RAB3GAP1: variants seen among roughly 807,000 people sequenced by gnomAD.
RAB3GAP1 encodes rab3 GTPase-activating protein catalytic subunit.
Under a neutral mutation model 130.7 loss-of-function variants are expected in RAB3GAP1, and 86 were observed. The observed-to-expected ratio is 0.66, with a 90% confidence interval of 0.55 to 0.79. The LOEUF (loss-of-function observed/expected upper bound fraction) is 0.79. Among genes scored for constraint, RAB3GAP1 ranks in the 30% least tolerant of loss-of-function variants. The pLI, the probability that RAB3GAP1 is intolerant of heterozygous loss-of-function variation, is 0.00. For missense variants in RAB3GAP1, 1,029 were observed against 1,169.4 expected (o/e 0.88, Z 1.75); for synonymous variants, 367 against 401.7 (o/e 0.91, Z 1.03).
intron 3 of RAB3GAP1, among the ~76,000 whole-genome samples, chr2:135,085,166 A>G (rs1042909090): frequency 6.6e-6 from 1 of 152,214 alleles, no homozygotes; most frequent in Non-Finnish European, 1.5e-5. Flanking sequence ...AACGTGAGAA[A>G]CTTGGCTATC....
At chr2:135,131,724 G>A (rs1691551801) in intron 13 of RAB3GAP1, among the ~76,000 whole-genome samples, 1 of 152,220 alleles carries the variant, frequency 6.6e-6, no homozygotes, top group Non-Finnish European at 1.5e-5. Context: ...AGTCACTTCA[G>A]TTTCCTCATC....
chr2:135,062,156 C>T (rs1287090715), intron 3 of RAB3GAP1, among the ~76,000 whole-genome samples: 10 of 152,036 alleles, frequency 6.6e-5, no homozygotes, highest in African/African-American at 1.9e-4. Context: ...TCAGCTGATC[C>T]GCCCGCCTCG....
rs781764887 is a variant in RAB3GAP1, at chr2:135,163,106, T to C, written c.2606+5T>C. 4.4e-6 allele frequency: 7 copies of C among 1,601,516 alleles called. No homozygotes were observed. The South Asian group carries it at 7.7e-5, about 18-fold the overall frequency. On this transcript the variant is annotated splice_donor_5th_base_variant and intron_variant, in intron 22 of 23. Transcript: ENST00000264158. ...GGAAAAGGAAGATCTTGAAAGGTAA[T>C]TGCTATTTGGCTAATTCAGTTTTGT...
At chr2:135,152,248 G>C (rs950509319) in intron 18 of RAB3GAP1, among the ~76,000 whole-genome samples, 4 of 152,244 alleles carry the variant, frequency 2.6e-5, no homozygotes, top group Admixed American at 2.6e-4. Flanking sequence ...ACACCTCAGA[G>C]TTCCAGAAGG....
At chr2:135,137,834 T>G (rs1196006996) in intron 17 of RAB3GAP1, among the ~76,000 whole-genome samples, 1 of 148,046 alleles carries the variant, frequency 6.8e-6, no homozygotes, top group Non-Finnish European at 1.5e-5. Flanking sequence ...TTTTTTGTTG[T>G]TTTTTTTTTG....
chr2:135,149,299 A>G (rs991663117), intron 17 of RAB3GAP1, among the ~76,000 whole-genome samples: 3 of 152,242 alleles, frequency 2.0e-5, no homozygotes, highest in Non-Finnish European at 4.4e-5. Flanking sequence ...TTTGAGAAGT[A>G]TACTGACCCT....
At chr2:135,174,273 C>T (rs1190721968), downstream of RAB3GAP1, among the ~76,000 whole-genome samples, 1 of 66 alleles carries the variant, frequency 0.015, no homozygotes, top group African/African-American at 0.071. Context: ...GGCGACATGG[C>T]CCAGCCCTCA....
In RAB3GAP1 at chr2:135,094,393, G is replaced by C. The variant is rs61675823; in HGVS notation, c.362+700G>C. ...GAGGTGATGGATTCCCCAATTAAAC[G>C]TTCCAATTCCATTCTTTTATTTATC... On this transcript the variant is annotated intron_variant, in intron 5 of 23. Transcript: ENST00000264158. 2.2e-4 allele frequency among the ~76,000 whole-genome samples: 34 copies of C among 151,934 alleles called. No individual in the cohort carries two copies. In the East Asian group the frequency reaches 6.4e-3, roughly 28 times the overall value.
intron 3 of RAB3GAP1, among the ~76,000 whole-genome samples, chr2:135,067,771 C>T (rs536110619): frequency 2.6e-5 from 4 of 152,324 alleles, no homozygotes; most frequent in Admixed American, 6.5e-5. Flanking sequence ...CTGTTACCCA[C>T]GCTAGAGTGC....
intron 17 of RAB3GAP1, among the ~76,000 whole-genome samples, chr2:135,139,946 G>A (rs1691789597): frequency 6.6e-6 from 1 of 152,134 alleles, no homozygotes; most frequent in Admixed American, 6.5e-5. Flanking sequence ...TAAATGGCAT[G>A]CTTTGCTTAC....
chr2:135,128,979 C>T (rs559182150), intron 11 of RAB3GAP1, among the ~76,000 whole-genome samples: 31 of 152,128 alleles, frequency 2.0e-4, no homozygotes, highest in Admixed American at 7.9e-4. Context: ...GGCAAAACCT[C>T]GTCTCTACAA....
intron 5 of RAB3GAP1, among the ~76,000 whole-genome samples, chr2:135,100,270 A>G (rs1690414816): frequency 6.6e-6 from 1 of 152,222 alleles, no homozygotes; most frequent in Admixed American, 6.5e-5. Context: ...CAGTTTTGCA[A>G]ACAGTTTTAT....
At chr2:135,086,661 C>CTT (rs59270938) in intron 3 of RAB3GAP1, among the ~76,000 whole-genome samples, 50 of 65,054 alleles carry the variant, frequency 7.7e-4, no homozygotes, top group African/African-American at 1.9e-3. Flanking sequence ...TTCCCCTAAT[C>CTT]TTTTTTTTTT....
intron 4 of RAB3GAP1, among the ~76,000 whole-genome samples, chr2:135,092,064 A>G (rs1263453746): frequency 6.6e-6 from 1 of 152,228 alleles, no homozygotes; most frequent in African/African-American, 2.4e-5. Flanking sequence ...TCTTCTTAGA[A>G]ACAAAACAAT....
intron 17 of RAB3GAP1, among the ~76,000 whole-genome samples, chr2:135,138,281 CAAAAAAAAA>C (rs755492320): frequency 9.3e-6 from 1 of 107,506 alleles, no homozygotes; most frequent in African/African-American, 3.2e-5. Flanking sequence ...CTATTTCTAC[CAAAAAAAAA>C]AAAAAAAAAA....
chr2:135,143,025 A>G (rs1467766278), intron 17 of RAB3GAP1, among the ~76,000 whole-genome samples: 1 of 151,856 alleles, frequency 6.6e-6, no homozygotes, highest in African/African-American at 2.4e-5. Flanking sequence ...TCTTCTTCAA[A>G]TGTTGAACAT....
intron 17 of RAB3GAP1, among the ~76,000 whole-genome samples, chr2:135,136,194 C>T (rs1234380770): frequency 6.6e-6 from 1 of 152,096 alleles, no homozygotes; most frequent in Non-Finnish European, 1.5e-5. Context: ...GGCACAGTGG[C>T]GCACACCTGT....
At chr2:135,142,682 GTTTTGTT>G (rs1473493086) in intron 17 of RAB3GAP1, among the ~76,000 whole-genome samples, 5 of 151,476 alleles carry the variant, frequency 3.3e-5, no homozygotes, top group Non-Finnish European at 7.4e-5. Flanking sequence ...TTTGCTTAGA[GTTTTGTT>G]TTTTGTTTTT....
intron 3 of RAB3GAP1, among the ~76,000 whole-genome samples, chr2:135,074,078 G>T (rs1275192842): frequency 6.6e-6 from 1 of 152,198 alleles, no homozygotes; most frequent in African/African-American, 2.4e-5. Flanking sequence ...GTTAGTCTAG[G>T]TACGAATTGT....
Sources: gnomAD v4.1 joint callset for allele counts (sites outside exome capture counted in the v4.1 genomes callset) on GRCh38, gnomAD v4.1.1 for gene constraint, MANE v1.5 for transcripts, NCBI Gene and HGNC (gene_info 2026-07-23, HGNC 2026-07-21) for gene names.